The following NDUFAB1 variants were observed in gnomAD, a reference collection of about 807,000 sequenced individuals.
NDUFAB1 encodes the protein acyl carrier protein, mitochondrial.
A neutral mutation model predicts 16.1 loss-of-function variants in NDUFAB1; 5 were observed. That is an observed-to-expected ratio of 0.31 (90% confidence interval 0.16 to 0.65). The LOEUF is 0.65. NDUFAB1 is among the 30% of genes least tolerant of loss of function. The pLI is 0.77. For synonymous variants in NDUFAB1, 85 were observed against 78.4 expected (o/e 1.08, Z -0.44); for missense variants, 187 against 205.3 (o/e 0.91, Z 0.54).
Position 23,587,380 on chromosome 16 carries a change from A to G in NDUFAB1, c.169-61T>C. 2.5e-6 allele frequency: 4 copies of G among 1,590,560 alleles called. No individual in the cohort carries two copies. The South Asian group carries it at 4.5e-5, about 18-fold the overall frequency. ...ATGGAAAATACCTCTAAATCAATGCACAAGCCTATAGGTAACTTTCACAGA... is the reference window on the plus strand; with the variant it reads ...ATGGAAAATACCTCTAAATCAATGCGCAAGCCTATAGGTAACTTTCACAGA... On this transcript the variant is annotated intron_variant, in intron 1 of 4. Coordinates refer to ENST00000007516, the MANE Select transcript of NDUFAB1 (RefSeq NM_005003.3).
intron 2 of NDUFAB1, 112 bp downstream of exon 2, chr16:23,587,085 G>T: frequency 9.4e-7 from 1 of 1,058,740 alleles, no homozygotes; most frequent in Non-Finnish European, 1.4e-6. Context: ...GAATGGGCCT[G>T]GGTGTCTGGG....
intron 1 of NDUFAB1, chr16:23,595,282 A>C: frequency 3.4e-6 from 1 of 293,928 alleles, no homozygotes; most frequent in Non-Finnish European, 6.7e-6. Flanking sequence ...AACAACAACA[A>C]CAACACCGAA....
intron 1 of NDUFAB1, among the ~76,000 whole-genome samples, chr16:23,589,846 G>A (rs1966263414): frequency 6.6e-6 from 1 of 151,534 alleles, no homozygotes; most frequent in African/African-American, 2.4e-5. Context: ...TGAAGTGGGA[G>A]GATCACTTGA....
At position 23,585,377 on chromosome 16, in the gene NDUFAB1, A is replaced by C; in HGVS notation, c.338T>G (p.Leu113Trp). Residue 113 changes from leucine (L) to tryptophan (W), a missense_variant, in exon 3 of 5, where the codon TTG (leucine) becomes TGG (tryptophan). Leu to Trp is a moderately conservative substitution (Grantham distance 61). Coordinates refer to ENST00000007516, the MANE Select transcript of NDUFAB1 (RefSeq NM_005003.3). ...HFMKDLGLDS[L>W]DQVEIIMAME... ...GGCCATGATAATCTCCACTTGGTCC[A>C]AACTGTCTAAGCCCAGGTCTTTCAT... is the stretch of plus-strand genomic sequence containing the variant. 1.2e-6 allele frequency: 2 copies of C among 1,614,082 alleles called. No homozygotes were observed. The highest frequency in any genetic ancestry group is 1.7e-6 in the Non-Finnish European group (2 of 1,179,906).
At chr16:23,582,754 G>GTCTCCC (rs1206136108) in intron 3 of NDUFAB1, among the ~76,000 whole-genome samples, 4 of 137,906 alleles carry the variant, frequency 2.9e-5, no homozygotes, top group Middle Eastern at 4.0e-3. Flanking sequence ...TCTTCCCACG[G>GTCTCCC]TCTCCCTCTC....
intron 1 of NDUFAB1, among the ~76,000 whole-genome samples, chr16:23,594,232 G>T (rs1237028959): frequency 6.6e-6 from 1 of 151,982 alleles, no homozygotes; most frequent in Non-Finnish European, 1.5e-5. Context: ...ACAGCCAACA[G>T]GGCAGTGCCC....
rs1448620836 is a variant in NDUFAB1, at chr16:23,591,925, T to A, written c.168+4198A>T. Among the ~76,000 whole-genome samples the A allele has an allele frequency of 2.6e-5, 4 of 152,288 alleles. No homozygotes were observed. In the East Asian group the frequency reaches 7.7e-4, roughly 29 times the overall value. On this transcript the variant is annotated intron_variant, in intron 1 of 4. Transcript: ENST00000007516. Reference sequence around the variant, plus strand: ...TACCTGTGTGCCAAGAACTGTGCAATGGGCTGGAAATGCAAAGATGAATAA... The same window carrying A: ...TACCTGTGTGCCAAGAACTGTGCAAAGGGCTGGAAATGCAAAGATGAATAA...
chr16:23,594,037 C>T (rs1057291373), intron 1 of NDUFAB1, among the ~76,000 whole-genome samples: 8 of 151,896 alleles, frequency 5.3e-5, no homozygotes, highest in Non-Finnish European at 1.0e-4. Flanking sequence ...CCCGCCACCA[C>T]GCCCGGCTAA....
At position 23,585,323 on chromosome 16, in the gene NDUFAB1, G is replaced by T; in HGVS notation, c.379+13C>A. The T allele has an allele frequency of 6.3e-7, 1 of 1,592,112 alleles. No homozygotes were observed. On this transcript the variant is annotated intron_variant, in intron 3 of 4. Transcript: ENST00000007516. ...CAAAAATCGCAGTGTGTAGATAGAA[G>T]ACTGAGCCTTACCAAATTCGTCTTC...
intron 4 of NDUFAB1, 145 bp downstream of exon 4, chr16:23,582,130 TG>T: frequency 1.0e-6 from 1 of 980,858 alleles, no homozygotes; most frequent in Non-Finnish European, 1.4e-6. Flanking sequence ...CCCCTTTGAG[TG>T]GCAGACAACA....
chr16:23,584,882 T>TG (rs1009503580), intron 3 of NDUFAB1, among the ~76,000 whole-genome samples: 19 of 152,192 alleles, frequency 1.2e-4, no homozygotes, highest in Non-Finnish European at 2.9e-5. Context: ...GTCCCAAACT[T>TG]GGAGTGTGCT....
intron 1 of NDUFAB1, among the ~76,000 whole-genome samples, chr16:23,595,022 G>A (rs1966311665): frequency 6.6e-6 from 1 of 151,958 alleles, no homozygotes; most frequent in Non-Finnish European, 1.5e-5. Flanking sequence ...GGAGGCCGAG[G>A]CGGGTGGATT....
intron 1 of NDUFAB1, chr16:23,595,352 C>T: frequency 2.8e-6 from 1 of 353,858 alleles, no homozygotes; most frequent in South Asian, 2.1e-5. Context: ...CTATATACTA[C>T]AGGTACAGTC....
At chr16:23,592,545 G>C (rs938948438) in intron 1 of NDUFAB1, among the ~76,000 whole-genome samples, 5 of 151,898 alleles carry the variant, frequency 3.3e-5, no homozygotes, top group African/African-American at 1.2e-4. Flanking sequence ...GCTTTTTTTT[G>C]TACAAGTGCT....
chr16:23,594,983 T>G (rs899117631), intron 1 of NDUFAB1, among the ~76,000 whole-genome samples: 19 of 150,424 alleles, frequency 1.3e-4, no homozygotes, highest in Non-Finnish European at 3.0e-5. Flanking sequence ...CAGGGCGCGG[T>G]GGTTCACGCC....
rs57003710 is a variant in NDUFAB1 at position 23,593,849 on chromosome 16, C to CTTATTTAT, written c.168+2266_168+2273dup. 3.3e-3 allele frequency among the ~76,000 whole-genome samples: 468 copies of CTTATTTAT among 143,590 alleles called. 2 individuals carry two copies. The highest frequency in any genetic ancestry group is 3.9e-3 in the South Asian group (17 of 4,354). The allele number at this position is 143,590 out of a possible 152,430, so 94.2% of individuals were successfully genotyped here. ...AATTCTAACTACTGCCTTTTTAACC[C>CTTATTTAT]TTATTTATTTATTTATTTATTTATT... On this transcript the variant is annotated intron_variant, in intron 1 of 4. Transcript: ENST00000007516.
intron 1 of NDUFAB1, among the ~76,000 whole-genome samples, chr16:23,593,001 T>C (rs1966293141): frequency 6.6e-6 from 1 of 152,104 alleles, no homozygotes; most frequent in African/African-American, 2.4e-5. Flanking sequence ...CACCAACATT[T>C]AAGGGTTAGG....
chr16:23,590,509 A>C (rs998698195), intron 1 of NDUFAB1, among the ~76,000 whole-genome samples: 36 of 152,310 alleles, frequency 2.4e-4, no homozygotes, highest in African/African-American at 8.7e-4. Flanking sequence ...TAACACAGTA[A>C]GTGCTATTTA....
chr16:23,595,355 G>A lies in NDUFAB1; in HGVS notation c.168+768C>T, dbSNP rs184579530. On this transcript the variant is annotated intron_variant, in intron 1 of 4. Coordinates refer to ENST00000007516, the MANE Select transcript of NDUFAB1 (RefSeq NM_005003.3). ...CATCAGCTCAAGCTATATACTACAG[G>A]TACAGTCGTTCCTTGGTATTTGCGC... 15 of 354,548 alleles carry A rather than the reference G, an allele frequency of 4.2e-5. 1 individual carries two copies. The highest frequency in any genetic ancestry group is 2.3e-4 in the Admixed American group (6 of 26,396). 22.0% of individuals were successfully genotyped at this position (354,548 alleles called of 1,614,324 possible).
Sources: gnomAD v4.1 joint callset for allele counts (sites outside exome capture counted in the v4.1 genomes callset) on GRCh38, gnomAD v4.1.1 for gene constraint, MANE v1.5 for transcripts, NCBI Gene and HGNC (gene_info 2026-07-23, HGNC 2026-07-21) for gene names.